Variants in PCDHGA11 observed in about 807,000 individuals in gnomAD.
PCDHGA11 encodes the protein protocadherin gamma subfamily A, 11.
Under a neutral mutation model 60.4 loss-of-function variants are expected in PCDHGA11, and 39 were observed. That is an observed-to-expected ratio of 0.65 (90% CI 0.50 to 0.84). PCDHGA11 has a LOEUF of 0.84. Among genes scored for constraint, PCDHGA11 ranks in the 40% least tolerant of loss-of-function variants. The pLI is 0.00. For synonymous variants in PCDHGA11, 533 were observed against 510.3 expected (o/e 1.04, Z -0.60); for missense variants, 1,165 against 1,197.7 (o/e 0.97, Z 0.40).
chr5:141,477,779 A>C lies in PCDHGA11; in HGVS notation c.2434-17028A>C. ...CCTAGCCACCAACATCAGCGTGAAC[A>C]TATTTGTCACTGATCGCAATGACAA... is the stretch of plus-strand genomic sequence containing the variant. On this transcript the variant is annotated intron_variant, in intron 1 of 3. Transcript: ENST00000398587. The surrounding 1 kb of genome is among the most constrained non-coding windows in gnomAD (Gnocchi z 4.9). 1.2e-6 allele frequency: 2 copies of C among 1,614,012 alleles called. No individual in the cohort carries two copies. Among genetic ancestry groups the C allele is most frequent in the Non-Finnish European group, 1.7e-6 (2 of 1,180,020 alleles).
At chr5:141,484,789 A>T (rs1215899787) in intron 1 of PCDHGA11, among the ~76,000 whole-genome samples, 1 of 152,132 alleles carries the variant, frequency 6.6e-6, no homozygotes, top group Non-Finnish European at 1.5e-5. Flanking sequence ...CCACAGAGAT[A>T]ACAACCCGTG....
At position 141,476,753 on chromosome 5, in the gene PCDHGA11, G is replaced by C; in HGVS notation, c.2434-18054G>C. On this transcript the variant is annotated intron_variant, in intron 1 of 3. Coordinates refer to ENST00000398587, the MANE Select transcript of PCDHGA11 (RefSeq NM_018914.3). This position sits in a 1 kb window ranked among gnomAD's most constrained non-coding sequence, Gnocchi z 7.6. Reference sequence around the variant, plus strand: ...AGAACGGGAGCCTAGTCTCCAGTTAGTGCTGACGGCGTTGGACGGAGGGAC... The same window carrying C: ...AGAACGGGAGCCTAGTCTCCAGTTACTGCTGACGGCGTTGGACGGAGGGAC... 3.1e-6 allele frequency: 5 copies of C among 1,614,012 alleles called. No individual in the cohort carries two copies. The highest frequency in any genetic ancestry group is 4.2e-6 in the Non-Finnish European group (5 of 1,180,030).
At position 141,476,632 on chromosome 5, in the gene PCDHGA11, T is replaced by A. The variant is rs994726301; in HGVS notation, c.2434-18175T>A. ...TGGGAAGCAACTCTTTACAAACCTATGAGCTGAGCCGAAATGAATACTTTG... is the reference window on the plus strand; with the variant it reads ...TGGGAAGCAACTCTTTACAAACCTAAGAGCTGAGCCGAAATGAATACTTTG... On this transcript the variant is annotated intron_variant, in intron 1 of 3. Transcript: ENST00000398587. The surrounding 1 kb of genome is among the most constrained non-coding windows in gnomAD (Gnocchi z 7.6). 1 of 1,614,216 alleles carries A rather than the reference T, an allele frequency of 6.2e-7. No individual in the cohort carries two copies. The highest frequency in any genetic ancestry group is 8.5e-7 in the Non-Finnish European group (1 of 1,180,028).
In PCDHGA11 at chr5:141,432,654, T is replaced by C. The variant is rs2097525297; in HGVS notation, c.2433+8994T>C. ...GGCGAGGTGCGCACGGCGCGAGCCC[T>C]GCTGGACAGAGACGCGCTCAAGCAG... is the stretch of plus-strand genomic sequence containing the variant. On this transcript the variant is annotated intron_variant, in intron 1 of 3. Transcript: ENST00000398587. This position sits in a 1 kb window ranked among gnomAD's most constrained non-coding sequence, Gnocchi z 6.0. The C allele has an allele frequency of 1.2e-6, 2 of 1,613,816 alleles. No homozygotes were observed. Among genetic ancestry groups the C allele is most frequent in the African/African-American group, 1.3e-5 (1 of 75,034 alleles).
chr5:141,498,523 G>A (rs555386753), intron 2 of PCDHGA11, among the ~76,000 whole-genome samples: 1 of 151,580 alleles, frequency 6.6e-6, no homozygotes, highest in Admixed American at 6.6e-5. Context: ...CTTGCCCACT[G>A]CCCTCCAGCC....
At chr5:141,440,106 T>A (rs1288263875) in intron 1 of PCDHGA11, 1 of 152,228 alleles carries the variant, frequency 6.6e-6, no homozygotes, top group East Asian at 1.9e-4. Flanking sequence ...AGTGGAGACT[T>A]ACTTGTGAAT....
chr5:141,439,310 A>G lies in PCDHGA11; in HGVS notation c.2433+15650A>G, dbSNP rs775009481. ...TCCATGGAAAAAGTAAAGCCCAGGCATGGAAGTGGGAATGGAAAGAAAGAT... is the reference window on the plus strand; with the variant it reads ...TCCATGGAAAAAGTAAAGCCCAGGCGTGGAAGTGGGAATGGAAAGAAAGAT... On this transcript the variant is annotated intron_variant, in intron 1 of 3. Transcript: ENST00000398587. 1.6e-4 allele frequency among the ~76,000 whole-genome samples: 24 copies of G among 152,320 alleles called. No homozygotes were observed. In the South Asian group the frequency reaches 4.1e-3, roughly 26 times the overall value.
At position 141,444,986 on chromosome 5, in the gene PCDHGA11, T is replaced by C. The variant is rs990862582; in HGVS notation, c.2433+21326T>C. On this transcript the variant is annotated intron_variant, in intron 1 of 3. Transcript: ENST00000398587. ...TGACACTTCAAATCCATGAACATGG[T>C]ATATATTTCCATTTAATTAGGTCTT... Among the ~76,000 whole-genome samples, 4 of 152,206 alleles carry C rather than the reference T, an allele frequency of 2.6e-5. No individual in the cohort carries two copies. The East Asian group carries it at 7.7e-4, about 29-fold the overall frequency.
rs542248328 is a variant in PCDHGA11, at chr5:141,432,682, C to T, written c.2433+9022C>T. ...TGGACAGAGACGCGCTCAAGCAGAG[C>T]CTCGTAGTGGCCGTCCAGGACCACG... On this transcript the variant is annotated intron_variant, in intron 1 of 3. Coordinates refer to ENST00000398587, the MANE Select transcript of PCDHGA11 (RefSeq NM_018914.3). This position sits in a 1 kb window ranked among gnomAD's most constrained non-coding sequence, Gnocchi z 6.0. The T allele has an allele frequency of 6.5e-5, 105 of 1,613,976 alleles. No homozygotes were observed. In the African/African-American group the frequency reaches 1.1e-3, roughly 17 times the overall value.
At chr5:141,445,313 T>C (rs1186654847) in intron 1 of PCDHGA11, among the ~76,000 whole-genome samples, 8 of 152,328 alleles carry the variant, frequency 5.3e-5, no homozygotes, top group Non-Finnish European at 4.4e-5. Flanking sequence ...GTTTGTAGGT[T>C]GAGAGAACCC....
In PCDHGA11 at chr5:141,432,091, C is replaced by A. The variant is rs370491149; in HGVS notation, c.2433+8431C>A. ...CTCATATCTCGCTGAACGTGGCAGA[C>A]ACCAACGACAACCCGCCGGTCTTCC... On this transcript the variant is annotated intron_variant, in intron 1 of 3. Coordinates refer to ENST00000398587, the MANE Select transcript of PCDHGA11 (RefSeq NM_018914.3). This position sits in a 1 kb window ranked among gnomAD's most constrained non-coding sequence, Gnocchi z 6.0. 6.2e-7 allele frequency: 1 copy of A among 1,614,056 alleles called. No individual in the cohort carries two copies. Among genetic ancestry groups the A allele is most frequent in the African/African-American group, 1.3e-5 (1 of 74,908 alleles).
chr5:141,431,527 C>T lies in PCDHGA11; in HGVS notation c.2433+7867C>T. The T allele has an allele frequency of 1.2e-6, 2 of 1,614,086 alleles. No homozygotes were observed. The highest frequency in any genetic ancestry group is 2.2e-5 in the East Asian group (1 of 44,888). ...GCGCGAGCGTTCCGGAGAATCTGGC[C>T]TTGGGCACGCAGCTGCTTGTAGTCA... On this transcript the variant is annotated intron_variant, in intron 1 of 3. Coordinates refer to ENST00000398587, the MANE Select transcript of PCDHGA11 (RefSeq NM_018914.3). This position sits in a 1 kb window ranked among gnomAD's most constrained non-coding sequence, Gnocchi z 4.8.
At chr5:141,448,415 T>C (rs1286455437) in intron 1 of PCDHGA11, among the ~76,000 whole-genome samples, 2 of 152,158 alleles carry the variant, frequency 1.3e-5, no homozygotes, top group African/African-American at 2.4e-5. Context: ...ATCAAAACAA[T>C]ATACTATGTA....
intron 1 of PCDHGA11, chr5:141,428,402 G>T (rs899477196): frequency 1.7e-5 from 8 of 479,776 alleles, no homozygotes; most frequent in African/African-American, 1.4e-4. Flanking sequence ...TCTGCCTGGG[G>T]TTGCTTTCAC....
Position 141,423,501 on chromosome 5 carries a change from C to G in PCDHGA11, c.2274C>G (p.Val758=). ...QAFLQTYSHE[V]SLIADSQKSH... ...TCCTGCAAACCTATTCCCACGAGGT[C>G]TCTCTCATTGCGGACTCGCAGAAGA... is the stretch of plus-strand genomic sequence containing the variant. Residue 758 remains valine (V), a synonymous_variant, in exon 1 of 4, where the codon GTC becomes GTG. Transcript: ENST00000398587. 6.2e-7 allele frequency: 1 copy of G among 1,613,990 alleles called. No homozygotes were observed. The highest frequency in any genetic ancestry group is 1.3e-5 in the African/African-American group (1 of 75,058).
chr5:141,510,526 A>T (rs1164238062), intron 3 of PCDHGA11, among the ~76,000 whole-genome samples: 1 of 152,156 alleles, frequency 6.6e-6, no homozygotes, highest in East Asian at 1.9e-4. Flanking sequence ...CAGCCCTGAG[A>T]GAAATACCAG....
intron 1 of PCDHGA11, among the ~76,000 whole-genome samples, chr5:141,450,467 T>C (rs997813636): frequency 9.2e-5 from 14 of 151,944 alleles, no homozygotes; most frequent in African/African-American, 3.2e-4. Flanking sequence ...ATTTTATATA[T>C]AGAGTTTGTT....
At chr5:141,498,954 A>G (rs1180380627) in intron 2 of PCDHGA11, among the ~76,000 whole-genome samples, 2 of 134,538 alleles carry the variant, frequency 1.5e-5, no homozygotes, top group Non-Finnish European at 3.2e-5. Context: ...AGAAAAAGAG[A>G]GAGAGGGAGG....
Position 141,485,606 on chromosome 5 carries a change from G to T in PCDHGA11, c.2434-9201G>T, listed in dbSNP as rs2099616630. On this transcript the variant is annotated intron_variant, in intron 1 of 3. Transcript: ENST00000398587. The surrounding 1 kb of genome is among the most constrained non-coding windows in gnomAD (Gnocchi z 5.7). ...GCAGCTGGACTTGGAAATTGGGGAG[G>T]CAGCTCCTCCAGGACAGCGTTTCCC... is the stretch of plus-strand genomic sequence containing the variant. 1.2e-6 allele frequency: 2 copies of T among 1,612,362 alleles called. No homozygotes were observed. The highest frequency in any genetic ancestry group is 4.5e-5 in the East Asian group (2 of 44,840).
Sources: gnomAD v4.1 joint callset for allele counts (sites outside exome capture counted in the v4.1 genomes callset) on GRCh38, gnomAD v4.1.1 for gene constraint, Gnocchi (gnomAD v3.1) non-coding constraint, MANE v1.5 for transcripts, NCBI Gene and HGNC (gene_info 2026-07-23, HGNC 2026-07-21) for gene names.